TTC23L: variants seen among roughly 807,000 people sequenced by gnomAD.
The protein encoded by TTC23L is tetratricopeptide repeat protein 23-like.
A neutral mutation model predicts 48.1 loss-of-function variants in TTC23L; 42 were observed. That is an observed-to-expected ratio of 0.87 (90% CI 0.68 to 1.13). The LOEUF (loss-of-function observed/expected upper bound fraction) is 1.13. Ranked by LOEUF, TTC23L falls within the 50% of genes most tolerant of loss-of-function variation. The pLI, the probability that TTC23L is intolerant of heterozygous loss-of-function variation, is 0.00. For missense variants in TTC23L, 391 were observed against 421.0 expected (o/e 0.93, Z 0.62); for synonymous variants, 159 against 157.2 (o/e 1.01, Z -0.09).
chr5:34,921,905 CGCAAA>C, the TTC23L span: 4 of 129,480 alleles, frequency 3.1e-5, no homozygotes, highest in Non-Finnish European at 3.0e-5. Flanking sequence ...GAAACTGCAT[CGCAAA>C]AAAAAAAAAA....
the TTC23L span, chr5:34,925,080 T>A: frequency 7.4e-6 from 11 of 1,482,310 alleles, no homozygotes; most frequent in Non-Finnish European, 3.6e-6. Flanking sequence ...CTGAATTTGG[T>A]TTTTGCTGCA....
chr5:34,909,448 A>G, the TTC23L span: 4 of 831,038 alleles, frequency 4.8e-6, no homozygotes, highest in African/African-American at 5.1e-5. Context: ...AGAAATTCAT[A>G]CTAGTGGGTG....
intron 3 of TTC23L, among the ~76,000 whole-genome samples, chr5:34,846,576 A>AAAAAAT (rs1208315692): frequency 1.0e-5 from 1 of 98,346 alleles, no homozygotes; most frequent in African/African-American, 6.3e-5. Flanking sequence ...AAAAAAAAAA[A>AAAAAAT]ATATATATAT....
the TTC23L span, chr5:34,922,984 T>C: frequency 3.4e-6 from 5 of 1,490,988 alleles, no homozygotes; most frequent in African/African-American, 7.0e-5. Context: ...AATAATATGC[T>C]TACCTTATTT....
chr5:34,846,151 C>T (rs1759110603), intron 3 of TTC23L, among the ~76,000 whole-genome samples: 1 of 152,120 alleles, frequency 6.6e-6, no homozygotes, highest in African/African-American at 2.4e-5. Flanking sequence ...TGCAACTGCA[C>T]TCCAGCCTGG....
intron 4 of TTC23L, among the ~76,000 whole-genome samples, chr5:34,857,000 G>A (rs1187420521): frequency 6.6e-6 from 1 of 152,236 alleles, no homozygotes; most frequent in Non-Finnish European, 1.5e-5. Context: ...GAAGGAGCCA[G>A]TTAGAAGAGA....
At chr5:34,904,193 C>A (rs1294400421), downstream of TTC23L, among the ~76,000 whole-genome samples, 1 of 151,586 alleles carries the variant, frequency 6.6e-6, no homozygotes, top group Admixed American at 6.6e-5. Flanking sequence ...AGTCTCAAAA[C>A]TCCTGGGCTA....
intron 3 of TTC23L, among the ~76,000 whole-genome samples, chr5:34,848,564 T>C (rs372469030): frequency 6.6e-6 from 1 of 152,028 alleles, no homozygotes; most frequent in African/African-American, 2.4e-5. Flanking sequence ...AAATAGGTAA[T>C]GGGATATTGA....
At chr5:34,849,293 T>A (rs894029199) in intron 3 of TTC23L, among the ~76,000 whole-genome samples, 1 of 152,160 alleles carries the variant, frequency 6.6e-6, no homozygotes, top group Non-Finnish European at 1.5e-5. Context: ...TGGAAGAACA[T>A]ACCAGTAGCC....
chr5:34,864,366 T>C (rs959763685), intron 5 of TTC23L, 71 bp from the exon 6 acceptor site: 2 of 1,540,436 alleles, frequency 1.3e-6, no homozygotes, highest in African/African-American at 2.8e-5. Context: ...CCCTTTTGTT[T>C]CCTTATCACC....
In TTC23L at chr5:34,863,804, A is replaced by C. The variant is rs1760854139; in HGVS notation, c.537-633A>C. Reference sequence around the variant, plus strand: ...TGTTAAGGGCATTTGATGTTCACGCATCATCATGAGCACTCTTTGAGCCTA... The same window carrying C: ...TGTTAAGGGCATTTGATGTTCACGCCTCATCATGAGCACTCTTTGAGCCTA... On this transcript the variant is annotated intron_variant, in intron 5 of 10. Transcript: ENST00000505624. The surrounding 1 kb of genome is among the most constrained non-coding windows in gnomAD (Gnocchi z 4.1). 1.3e-5 allele frequency among the ~76,000 whole-genome samples: 2 copies of C among 152,138 alleles called. No individual in the cohort carries two copies. Among genetic ancestry groups the C allele is most frequent in the South Asian group, 4.1e-4 (2 of 4,824 alleles).
At chr5:34,886,072 C>G (rs1248389271) in intron 9 of TTC23L, among the ~76,000 whole-genome samples, 1 of 152,092 alleles carries the variant, frequency 6.6e-6, no homozygotes, top group Non-Finnish European at 1.5e-5. Context: ...ATCATAGGCT[C>G]TATGATCTGG....
chr5:34,885,267 A>T (rs2111726011), intron 9 of TTC23L, among the ~76,000 whole-genome samples: 1 of 152,366 alleles, frequency 6.6e-6, no homozygotes, highest in Middle Eastern at 3.4e-3. Context: ...TAAATGCAAT[A>T]CATGATGATT....
intron 2 of TTC23L, among the ~76,000 whole-genome samples, chr5:34,841,501 C>G (rs1758670555): frequency 6.6e-6 from 1 of 152,170 alleles, no homozygotes; most frequent in Non-Finnish European, 1.5e-5. Context: ...CATTCTGACT[C>G]TAGAATCCAT....
exon 1 of TTC23L, chr5:34,839,178 C>G (rs1186656685): frequency 6.5e-6 from 1 of 152,762 alleles, no homozygotes; most frequent in Non-Finnish European, 1.5e-5. Context: ...TCTCCTTGGC[C>G]GGACCTGGGC....
At chr5:34,844,726 C>T (rs1758971329) in intron 2 of TTC23L, among the ~76,000 whole-genome samples, 1 of 152,110 alleles carries the variant, frequency 6.6e-6, no homozygotes, top group Non-Finnish European at 1.5e-5. Context: ...TACCGTTGCT[C>T]CTAAGATCTC....
the TTC23L span, chr5:34,922,982 GCTTACC>G: frequency 2.0e-6 from 3 of 1,487,400 alleles, no homozygotes; most frequent in Non-Finnish European, 2.8e-6. Context: ...TAAATAATAT[GCTTACC>G]TTATTTTTAT....
chr5:34,889,996 G>T (rs112673672), intron 9 of TTC23L, among the ~76,000 whole-genome samples: 9,145 of 151,722 alleles, frequency 0.06, 316 homozygotes, highest in Middle Eastern at 0.12. Context: ...ATGCCACCAC[G>T]CCCAGCTAAT....
the TTC23L span, chr5:34,914,685 AC>A: frequency 6.2e-7 from 1 of 1,614,024 alleles, no homozygotes; most frequent in African/African-American, 1.3e-5. Context: ...AAAGGCGCCT[AC>A]TTCCATACCT....
Sources: gnomAD v4.1 joint callset for allele counts (sites outside exome capture counted in the v4.1 genomes callset) on GRCh38, gnomAD v4.1.1 for gene constraint, Gnocchi (gnomAD v3.1) non-coding constraint, MANE v1.5 for transcripts, NCBI Gene and HGNC (gene_info 2026-07-23, HGNC 2026-07-21) for gene names.